The following RNPEP variants were observed in gnomAD, a reference collection of about 807,000 sequenced individuals.
The protein encoded by RNPEP is aminopeptidase B.
Under a neutral mutation model 70.1 loss-of-function variants are expected in RNPEP, and 57 were observed. The ratio of observed to expected loss-of-function variants is 0.81; its 90% CI spans 0.66 to 1.01. The LOEUF is 1.01. Among genes scored for constraint, RNPEP ranks in the 50% least tolerant of loss-of-function variants. RNPEP has a pLI of 0.00. For synonymous variants in RNPEP, 335 were observed against 357.4 expected, an observed-to-expected ratio of 0.94 and a Z score of 0.71; for missense variants, 787 against 852.4, an observed-to-expected ratio of 0.92 and a Z score of 0.96.
rs372778027 is a variant in RNPEP, at chr1:201,999,884, C to T, written c.1091-18C>T. 7.5e-6 allele frequency: 12 copies of T among 1,602,894 alleles called. No homozygotes were observed. The highest frequency in any genetic ancestry group is 1.0e-5 in the Non-Finnish European group (12 of 1,172,382). On this transcript the variant is annotated intron_variant, in intron 5 of 10. Transcript: ENST00000295640. ...GTGACAGACGTTTTCCCGAGGCTTA[C>T]GTTTGATTCTGCACCAGGCGCTGCG...
chr1:202,000,515 C>T (rs1422512338), intron 6 of RNPEP, among the ~76,000 whole-genome samples: 2 of 152,190 alleles, frequency 1.3e-5, no homozygotes, highest in Admixed American at 6.6e-5. Flanking sequence ...TAATCTGAAA[C>T]CTTTTTATGC....
At chr1:201,992,701 G>A (rs372018581) in intron 3 of RNPEP, among the ~76,000 whole-genome samples, 299 of 152,096 alleles carry the variant, frequency 2.0e-3, no homozygotes, top group African/African-American at 6.7e-3. Flanking sequence ...CCCACTTCCC[G>A]CTGCTATAAT....
rs765490805 is a variant in RNPEP at position 202,003,451 on chromosome 1, T to A, written c.1641T>A (p.Pro547=). Residue 547 remains proline, a synonymous_variant, in exon 9 of 11, where the codon CCT becomes CCA. Transcript: ENST00000295640. ...YFLDKILQKS[P]LPPGNVKKLG... ...TGGATAAGATCCTCCAGAAATCCCC[T>A]CTCCCTCCTGGTAAGAAAAAATGGT... 2.5e-6 allele frequency: 4 copies of A among 1,611,790 alleles called. No individual in the cohort carries two copies. In the South Asian group the frequency reaches 4.4e-5, roughly 18 times the overall value.
At position 201,996,589 on chromosome 1, in the gene RNPEP, G is replaced by A. The variant is rs372838613; in HGVS notation, c.854+326G>A. Among the ~76,000 whole-genome samples the A allele has an allele frequency of 1.3e-4, 20 of 151,708 alleles. No individual in the cohort carries two copies. In the East Asian group the frequency reaches 3.9e-3, roughly 30 times the overall value. ...GCTCACTGCAACCTCCACCTCCCAGGTTCAAGCGATTCTCCTGCCTCAGCC... is the reference window on the plus strand; with the variant it reads ...GCTCACTGCAACCTCCACCTCCCAGATTCAAGCGATTCTCCTGCCTCAGCC... On this transcript the variant is annotated intron_variant, in intron 4 of 10. Transcript: ENST00000295640.
At chr1:201,983,966 T>C (rs751150617) in intron 1 of RNPEP, 16 of 783,476 alleles carry the variant, frequency 2.0e-5, no homozygotes, top group Non-Finnish European at 2.5e-5. Context: ...AGAGTCTCAC[T>C]CTCGTCCAGG....
intron 5 of RNPEP, 100 bp from the exon 6 acceptor site, chr1:201,999,802 C>A: frequency 1.1e-6 from 1 of 893,052 alleles, no homozygotes; most frequent in East Asian, 2.6e-5. Context: ...CGCTGTTCTT[C>A]TTGAGGCCAC....
intron 1 of RNPEP, among the ~76,000 whole-genome samples, chr1:201,985,253 G>T: frequency 6.6e-6 from 1 of 151,456 alleles, no homozygotes; most frequent in Non-Finnish European, 1.5e-5. Flanking sequence ...CTGACTGATG[G>T]CATTCAATGA....
chr1:202,001,084 T>G (rs1683781778), intron 6 of RNPEP: 1 of 374,014 alleles, frequency 2.7e-6, no homozygotes, highest in South Asian at 3.5e-5. Context: ...GTCTTCATAT[T>G]AGATCCACAG....
In RNPEP at chr1:201,988,991, T is replaced by C; in HGVS notation, c.535T>C (p.Phe179Leu). 1 of 1,614,184 alleles carries C rather than the reference T, an allele frequency of 6.2e-7. No homozygotes were observed. Among genetic ancestry groups the C allele is most frequent in the Non-Finnish European group, 8.5e-7 (1 of 1,180,012 alleles). The change falls in exon 2 of 11, where the codon TTC becomes CTC. Residue 179 changes from phenylalanine (F) to leucine (L), a missense_variant. Physicochemically the swap from Phe to Leu is conservative, Grantham distance 22 (BLOSUM62 0). Coordinates refer to ENST00000295640, the MANE Select transcript of RNPEP (RefSeq NM_020216.4). ...QGQAVLNRAF[F>L]PCFDTPAVKY... ...CCAGGCTGTCCTAAACCGGGCCTTC[T>C]TCCCTTGCTTCGACACGCCTGCTGT...
chr1:201,990,026 G>T (rs901150681), intron 3 of RNPEP, among the ~76,000 whole-genome samples: 2 of 152,054 alleles, frequency 1.3e-5, no homozygotes, highest in Non-Finnish European at 2.9e-5. Flanking sequence ...TGTATTTTTC[G>T]TAGAGACGGG....
intron 5 of RNPEP, among the ~76,000 whole-genome samples, chr1:201,998,538 G>A (rs935335471): frequency 6.2e-4 from 94 of 152,194 alleles, no homozygotes; most frequent in African/African-American, 2.1e-3. Context: ...GAGCCACTGC[G>A]CCCGGCCCTG....
rs1684044801 is a variant in RNPEP at position 202,005,872 on chromosome 1, T to G, written c.*156T>G. ...TAGGTATCTGTGACTCTTGGGCCTC[T>G]GCTCTGGTGGGAACTTACTTCTCTA... On this transcript the variant is annotated 3_prime_UTR_variant, in exon 11 of 11. Coordinates refer to ENST00000295640, the MANE Select transcript of RNPEP (RefSeq NM_020216.4). 1 of 882,908 alleles carries G rather than the reference T, an allele frequency of 1.1e-6. No individual in the cohort carries two copies. Among genetic ancestry groups the G allele is most frequent in the East Asian group, 2.6e-5 (1 of 37,864 alleles). 54.7% of individuals were successfully genotyped at this position (882,908 alleles called of 1,614,324 possible). A position where few individuals can be genotyped will look rare whatever the true frequency, so the allele number is the denominator to read the frequency against.
At chr1:201,985,868 A>G (rs570027752) in intron 1 of RNPEP, among the ~76,000 whole-genome samples, 4 of 152,342 alleles carry the variant, frequency 2.6e-5, no homozygotes, top group Admixed American at 6.5e-5. Flanking sequence ...GCTGTCATGT[A>G]TCCTCTTGGG....
chr1:201,986,321 C>T (rs908139375), intron 1 of RNPEP, among the ~76,000 whole-genome samples: 4 of 152,074 alleles, frequency 2.6e-5, no homozygotes, highest in South Asian at 2.1e-4. Context: ...TCTCAAACTC[C>T]TGGCCTCAAG....
rs74710742 is a variant in RNPEP, at chr1:201,996,189, G to T, written c.780G>T (p.Lys260Asn). ...AGCCCTGCCTGATTGATGCTGCCAAGGAGGAGTACAACGGGGTGATAGAAG... is the reference window on the plus strand; with the variant it reads ...AGCCCTGCCTGATTGATGCTGCCAATGAGGAGTACAACGGGGTGATAGAAG... ...WAEPCLIDAA[K>N]EEYNGVIEEF... The change falls in exon 4 of 11, where the codon AAG (lysine) becomes AAT (asparagine). Residue 260 changes from lysine to asparagine, a missense_variant. Physicochemically the swap from Lys to Asn is moderately conservative, Grantham distance 94. Transcript: ENST00000295640. 0.016 allele frequency: 25,157 copies of T among 1,614,108 alleles called. 257 individuals carry two copies. Among genetic ancestry groups the T allele is most frequent in the Non-Finnish European group, 0.019 (21,919 of 1,179,928 alleles).
intron 3 of RNPEP, chr1:201,995,752 C>G (rs1683521570): frequency 5.9e-6 from 1 of 168,176 alleles, no homozygotes; most frequent in Non-Finnish European, 1.3e-5. Flanking sequence ...GCTTTCTTAT[C>G]TCTCCTCTAA....
Position 201,983,070 on chromosome 1 carries a change from G to A in RNPEP, c.404G>A (p.Arg135His). 1 of 1,521,652 alleles carries A rather than the reference G, an allele frequency of 6.6e-7. No individual in the cohort carries two copies. The allele number at this position is 1,521,652 out of a possible 1,614,324, so 94.3% of individuals were successfully genotyped here. The change falls in exon 1 of 11, where the codon CGC becomes CAC. Residue 135 changes from arginine to histidine, a missense_variant. By Grantham distance (29) the Arg-to-His change is conservative. Coordinates refer to ENST00000295640, the MANE Select transcript of RNPEP (RefSeq NM_020216.4). Reference protein sequence around the residue: ...SFPQPCRAAERLQVLLTYRVG... With the variant: ...SFPQPCRAAEHLQVLLTYRVG... ...CCGCAGCCCTGCCGCGCCGCCGAGC[G>A]CCTCCAGGTGCTGCTCACCTACCGC...
chr1:201,987,013 A>G (rs1298262860), intron 1 of RNPEP, among the ~76,000 whole-genome samples: 4 of 152,036 alleles, frequency 2.6e-5, no homozygotes, highest in African/African-American at 9.7e-5. Context: ...GACTAATTAA[A>G]TTTTTCACAC....
At chr1:201,984,895 A>T (rs1394624755) in intron 1 of RNPEP, among the ~76,000 whole-genome samples, 3 of 127,988 alleles carry the variant, frequency 2.3e-5, no homozygotes, top group Non-Finnish European at 4.8e-5. Flanking sequence ...TGTTCTTTTT[A>T]AAAATCTCGT....
Sources: allele counts gnomAD v4.1 joint callset (sites outside exome capture counted in the v4.1 genomes callset), GRCh38; gene constraint gnomAD v4.1.1; transcripts MANE v1.5; gene names NCBI Gene and HGNC (gene_info 2026-07-23, HGNC 2026-07-21).